The following MAGI2 variants were observed in gnomAD, a reference collection of about 807,000 sequenced individuals.
The protein encoded by MAGI2 is membrane associated guanylate kinase, WW and PDZ domain containing 2.
MAGI2 carries 35 observed loss-of-function variants against 133.3 expected under a neutral mutation model. The ratio of observed to expected loss-of-function variants is 0.26; its 90% CI spans 0.20 to 0.35. MAGI2 has a LOEUF of 0.35. Ranked by LOEUF, MAGI2 falls within the 10% of genes least tolerant of loss-of-function variation. The pLI is 1.00. For missense variants in MAGI2, 1,636 were observed against 1,863.4 expected (o/e 0.88, Z 2.25); for synonymous variants, 729 against 710.6 (o/e 1.03, Z -0.41).
intron 9 of MAGI2, among the ~76,000 whole-genome samples, chr7:78,274,603 G>T (rs544333920): frequency 6.8e-6 from 1 of 146,138 alleles, no homozygotes; most frequent in South Asian, 2.3e-4. Flanking sequence ...GTCCCTGACT[G>T]GGGTGCTGCC....
At chr7:78,616,590 A>G (rs1187827928) in intron 3 of MAGI2, 1 of 152,162 alleles carries the variant, frequency 6.6e-6, no homozygotes, top group African/African-American at 2.4e-5. Flanking sequence ...TCCCAGATAA[A>G]GTGAGAGGGA....
intron 16 of MAGI2, among the ~76,000 whole-genome samples, chr7:78,148,628 A>G (rs1274293144): frequency 1.3e-5 from 2 of 152,164 alleles, no homozygotes; most frequent in Non-Finnish European, 2.9e-5. Flanking sequence ...AAGTCTTCAG[A>G]GAAGAAATCC....
chr7:78,726,061 TATTAA>T (rs1433001427), intron 2 of MAGI2, among the ~76,000 whole-genome samples: 1 of 152,188 alleles, frequency 6.6e-6, no homozygotes, highest in East Asian at 1.9e-4. Flanking sequence ...GTTAATATTA[TATTAA>T]ATTATAAAGA....
At chr7:78,937,627 G>C (rs138007342) in intron 2 of MAGI2, among the ~76,000 whole-genome samples, 1 of 152,208 alleles carries the variant, frequency 6.6e-6, no homozygotes, top group East Asian at 1.9e-4. Flanking sequence ...TCAATGCAAC[G>C]ATACTTATAT....
At chr7:79,011,928 T>TCCTTC (rs1808180323) in intron 1 of MAGI2, among the ~76,000 whole-genome samples, 1 of 56,386 alleles carries the variant, frequency 1.8e-5, no homozygotes, top group Non-Finnish European at 3.7e-5. Context: ...TTCCTTCCTT[T>TCCTTC]CTTTCTTTCT....
chr7:78,253,848 C>A (rs1330937500), intron 10 of MAGI2: 1 of 152,158 alleles, frequency 6.6e-6, no homozygotes, highest in African/African-American at 2.4e-5. Context: ...TGCGACTCAG[C>A]TCTTGAGTCT....
At chr7:78,195,932 C>A (rs772190344) in intron 11 of MAGI2, among the ~76,000 whole-genome samples, 11 of 152,090 alleles carry the variant, frequency 7.2e-5, no homozygotes, top group Admixed American at 3.9e-4. Flanking sequence ...TGACCGGCAG[C>A]GTATGTAAGA....
At chr7:78,165,845 G>A (rs1481962882) in intron 15 of MAGI2, among the ~76,000 whole-genome samples, 2 of 152,140 alleles carry the variant, frequency 1.3e-5, no homozygotes, top group Non-Finnish European at 2.9e-5. Context: ...TGAAGAAATG[G>A]CAGCTATGAA....
chr7:78,571,862 A>G (rs922807011), intron 3 of MAGI2, among the ~76,000 whole-genome samples: 1 of 152,186 alleles, frequency 6.6e-6, no homozygotes, highest in African/African-American at 2.4e-5. Context: ...AATTTTTCTA[A>G]GAATAGAATA....
At chr7:78,546,676 ATCTCTCTC>A (rs3086440) in intron 3 of MAGI2, among the ~76,000 whole-genome samples, 52 of 150,348 alleles carry the variant, frequency 3.5e-4, no homozygotes, top group South Asian at 4.2e-4. Flanking sequence ...AAAGATCCTC[ATCTCTCTC>A]TCTCTCTCTC....
chr7:78,709,076 C>A (rs142287505), intron 2 of MAGI2, among the ~76,000 whole-genome samples: 9 of 152,232 alleles, frequency 5.9e-5, no homozygotes, highest in Admixed American at 4.6e-4. Flanking sequence ...AGTCCACTCT[C>A]CACACTTCCA....
At chr7:78,696,982 ATCAT>A (rs10584336) in intron 2 of MAGI2, among the ~76,000 whole-genome samples, 59,363 of 151,640 alleles carry the variant, frequency 0.39, 11,898 homozygotes, top group Middle Eastern at 0.47. Flanking sequence ...TTTTGCTTTC[ATCAT>A]TCAAAGCTTT....
intron 1 of MAGI2, chr7:79,125,354 G>A (rs73369361): frequency 0.032 from 15,120 of 474,306 alleles, 356 homozygotes; most frequent in African/African-American, 0.082. Flanking sequence ...GGTTGTCAAA[G>A]TGGTTTCAGT....
chr7:79,391,503 A>G (rs1205323130), intron 1 of MAGI2, among the ~76,000 whole-genome samples: 2 of 49,890 alleles, frequency 4.0e-5, no homozygotes, highest in East Asian at 1.4e-3. Flanking sequence ...ATATATATAT[A>G]TAGACATATA....
chr7:78,565,951 T>C (rs916525736), intron 3 of MAGI2, among the ~76,000 whole-genome samples: 2 of 152,044 alleles, frequency 1.3e-5, no homozygotes, highest in African/African-American at 2.4e-5. Flanking sequence ...CCTGCCTCGG[T>C]TTAGTCATCT....
In MAGI2 at chr7:78,132,797, C is replaced by A; in HGVS notation, c.3203+92G>T. The A allele has an allele frequency of 2.6e-6, 4 of 1,559,468 alleles. No individual in the cohort carries two copies. The South Asian group carries it at 3.5e-5, about 14-fold the overall frequency. On this transcript the variant is annotated intron_variant, in intron 18 of 21. Transcript: ENST00000354212. ...GGCGATTTCTACTTTATAAAAGTCT[C>A]TCTCTCTGCCTGTCCTGTGCTGTCC...
chr7:78,132,788 T>C, intron 18 of MAGI2, 101 bp downstream of exon 18: 1 of 1,544,266 alleles, frequency 6.5e-7, no homozygotes, highest in Non-Finnish European at 8.8e-7. Context: ...TTCTACTTTA[T>C]AAAAGTCTCT....
chr7:79,143,027 G>T (rs1424709271), intron 1 of MAGI2, among the ~76,000 whole-genome samples: 3 of 152,114 alleles, frequency 2.0e-5, no homozygotes, highest in African/African-American at 7.2e-5. Flanking sequence ...AAAGCCTTTT[G>T]CAGTTTTGTT....
At chr7:78,582,147 T>C (rs1341260112) in intron 3 of MAGI2, among the ~76,000 whole-genome samples, 1 of 152,152 alleles carries the variant, frequency 6.6e-6, no homozygotes, top group African/African-American at 2.4e-5. Context: ...CCCCATCAGG[T>C]AGCAAAAGCA....
Sources: allele counts gnomAD v4.1 joint callset (sites outside exome capture counted in the v4.1 genomes callset), GRCh38; gene constraint gnomAD v4.1.1; transcripts MANE v1.5; gene names NCBI Gene and HGNC (gene_info 2026-07-23, HGNC 2026-07-21).